The following FBXL7 variants were observed in gnomAD, a reference collection of about 807,000 sequenced individuals.
FBXL7 encodes the protein F-box/LRR-repeat protein 7.
In FBXL7, 12 loss-of-function variants were observed where a neutral mutation model predicts 38.3. That is an observed-to-expected ratio of 0.31 (90% CI 0.20 to 0.51). FBXL7 has a LOEUF of 0.51. FBXL7 is among the 20% of genes least tolerant of loss of function. The pLI is 0.98. For missense variants in FBXL7, 567 were observed against 676.4 expected (o/e 0.84, Z 1.79); for synonymous variants, 297 against 300.9 (o/e 0.99, Z 0.13).
chr5:15,566,034 T>G (rs967544683), intron 1 of FBXL7, among the ~76,000 whole-genome samples: 1 of 152,272 alleles, frequency 6.6e-6, no homozygotes, highest in African/African-American at 2.4e-5. Context: ...AACTTTCCTT[T>G]TTTTTTAAGG....
At chr5:15,636,106 T>A (rs1261606989) in intron 2 of FBXL7, among the ~76,000 whole-genome samples, 1 of 152,074 alleles carries the variant, frequency 6.6e-6, no homozygotes, top group African/African-American at 2.4e-5. Context: ...TATCTGTTTT[T>A]TTTTTTTTAA....
chr5:15,552,330 G>A (rs1254536787), intron 1 of FBXL7, among the ~76,000 whole-genome samples: 1 of 152,132 alleles, frequency 6.6e-6, no homozygotes, highest in African/African-American at 2.4e-5. Flanking sequence ...ACTCCTCTGT[G>A]CCAGTCACTG....
At position 15,832,507 on chromosome 5, in the gene FBXL7, A is replaced by G. The variant is rs183270506; in HGVS notation, c.128-95383A>G. On this transcript the variant is annotated intron_variant, in intron 2 of 3. Transcript: ENST00000504595. ...ATGTGACTAAAAACATCTTGATTTCATCTCAGGTTCAACTGAACCTTCTTA... is the reference window on the plus strand; with the variant it reads ...ATGTGACTAAAAACATCTTGATTTCGTCTCAGGTTCAACTGAACCTTCTTA... Among the ~76,000 whole-genome samples, 67 of 152,324 alleles carry G rather than the reference A, an allele frequency of 4.4e-4. 1 individual carries two copies. The highest frequency in any genetic ancestry group is 1.5e-3 in the South Asian group (7 of 4,824).
Position 15,825,284 on chromosome 5 carries a change from G to A in FBXL7, c.128-102606G>A, listed in dbSNP as rs1002534298. 2.0e-5 allele frequency among the ~76,000 whole-genome samples: 3 copies of A among 151,844 alleles called. No homozygotes were observed. The South Asian group carries it at 6.2e-4, about 31-fold the overall frequency. On this transcript the variant is annotated intron_variant, in intron 2 of 3. Coordinates refer to ENST00000504595, the MANE Select transcript of FBXL7 (RefSeq NM_012304.5). The stretch of plus-strand genomic sequence containing the variant: ...GTTGTAGTCACTCTTATTCCTATAT[G>A]ATTACTAAAAACCAAAGAAAGTTTG...
At chr5:15,863,658 G>A (rs190258290) in intron 2 of FBXL7, among the ~76,000 whole-genome samples, 10 of 152,208 alleles carry the variant, frequency 6.6e-5, no homozygotes, top group Non-Finnish European at 1.2e-4. Context: ...GGGAGGTGGG[G>A]CCTAGTGGGA....
rs192938420 is a variant in FBXL7 at position 15,533,653 on chromosome 5, C to T, written c.37+32940C>T. Among the ~76,000 whole-genome samples, 126 of 152,210 alleles carry T rather than the reference C, an allele frequency of 8.3e-4. 1 individual carries two copies. The highest frequency in any genetic ancestry group is 2.9e-3 in the African/African-American group (119 of 41,520). Reference sequence around the variant, plus strand: ...AAACAATGAGGGATCCCAGTTCCTGCGGGCTCTGCTTTTCCTCCCTGTGCC... The same window carrying T: ...AAACAATGAGGGATCCCAGTTCCTGTGGGCTCTGCTTTTCCTCCCTGTGCC... On this transcript the variant is annotated intron_variant, in intron 1 of 3. Coordinates refer to ENST00000504595, the MANE Select transcript of FBXL7 (RefSeq NM_012304.5).
At chr5:15,714,866 A>AG (rs1334297587) in intron 2 of FBXL7, among the ~76,000 whole-genome samples, 2 of 151,334 alleles carry the variant, frequency 1.3e-5, no homozygotes, top group Non-Finnish European at 3.0e-5. Flanking sequence ...AAAAAAAAAA[A>AG]AAAGAGGCAG....
intron 2 of FBXL7, among the ~76,000 whole-genome samples, chr5:15,693,283 G>A (rs1743235712): frequency 6.6e-6 from 1 of 152,136 alleles, no homozygotes; most frequent in African/African-American, 2.4e-5. Context: ...CACCAGATGC[G>A]AGACTTACAG....
intron 2 of FBXL7, among the ~76,000 whole-genome samples, chr5:15,920,225 C>G (rs562275855): frequency 6.6e-6 from 1 of 152,068 alleles, no homozygotes; most frequent in Non-Finnish European, 1.5e-5. Context: ...CCACTGCACT[C>G]CAGCCTGGAT....
At chr5:15,922,278 A>C (rs12188594) in intron 2 of FBXL7, among the ~76,000 whole-genome samples, 1 of 151,926 alleles carries the variant, frequency 6.6e-6, no homozygotes, top group South Asian at 2.1e-4. Flanking sequence ...CCTGCTCTAC[A>C]TATGTTCTGG....
chr5:15,545,616 T>C (rs1475521089), intron 1 of FBXL7, among the ~76,000 whole-genome samples: 1 of 152,212 alleles, frequency 6.6e-6, no homozygotes, highest in Non-Finnish European at 1.5e-5. Flanking sequence ...TGATTTGTCA[T>C]CAAAAAATTA....
chr5:15,558,307 A>ATT (rs973251596), intron 1 of FBXL7, among the ~76,000 whole-genome samples: 13 of 152,134 alleles, frequency 8.5e-5, no homozygotes, highest in African/African-American at 2.7e-4. Flanking sequence ...GATTAGGTTG[A>ATT]TTTTTCCTTT....
rs371291016 is a variant in FBXL7 at position 15,912,414 on chromosome 5, G to A, written c.128-15476G>A. 3.1e-3 allele frequency among the ~76,000 whole-genome samples: 450 copies of A among 142,954 alleles called. 7 individuals are homozygous for A. The highest frequency in any genetic ancestry group is 0.011 in the African/African-American group (420 of 37,064). The allele number at this position is 142,954 out of a possible 152,430, so 93.8% of individuals were successfully genotyped here. ...ACGGTGCGCACACACACTGGCCTGC[G>A]CCCACTGTCTGGCACTCCCTAGTGA... On this transcript the variant is annotated intron_variant, in intron 2 of 3. Coordinates refer to ENST00000504595, the MANE Select transcript of FBXL7 (RefSeq NM_012304.5).
intron 2 of FBXL7, among the ~76,000 whole-genome samples, chr5:15,791,233 G>A (rs1380750942): frequency 6.6e-6 from 1 of 152,180 alleles, no homozygotes; most frequent in African/African-American, 2.4e-5. Context: ...TACATGGTAG[G>A]TAAACTTAGT....
intron 2 of FBXL7, among the ~76,000 whole-genome samples, chr5:15,739,903 T>C (rs1008068240): frequency 7.2e-5 from 11 of 152,202 alleles, no homozygotes; most frequent in African/African-American, 2.7e-4. Context: ...AGGAGTGGAA[T>C]ATACCTAGGA....
intron 2 of FBXL7, among the ~76,000 whole-genome samples, chr5:15,624,014 A>G (rs187634375): frequency 1.8e-4 from 28 of 152,326 alleles, no homozygotes; most frequent in Admixed American, 1.4e-3. Context: ...ACTGAATTTC[A>G]TGCTAATCAT....
chr5:15,628,447 A>G (rs1740888643), intron 2 of FBXL7, among the ~76,000 whole-genome samples: 1 of 152,190 alleles, frequency 6.6e-6, no homozygotes, highest in Non-Finnish European at 1.5e-5. Flanking sequence ...TGTGTCCCTG[A>G]AATCTTTAGT....
intron 1 of FBXL7, among the ~76,000 whole-genome samples, chr5:15,525,573 C>A (rs551246409): frequency 1.3e-5 from 2 of 151,942 alleles, no homozygotes; most frequent in Admixed American, 6.5e-5. Context: ...CAGGATAGGG[C>A]TTTTTCCTCC....
At chr5:15,595,334 G>A (rs1403160563) in intron 1 of FBXL7, among the ~76,000 whole-genome samples, 3 of 152,114 alleles carry the variant, frequency 2.0e-5, no homozygotes, top group Admixed American at 6.6e-5. Context: ...GATGTAATTC[G>A]AAGCTTGGAA....
Sources: allele counts gnomAD v4.1 joint callset (sites outside exome capture counted in the v4.1 genomes callset), GRCh38; gene constraint gnomAD v4.1.1; transcripts MANE v1.5; gene names NCBI Gene and HGNC (gene_info 2026-07-23, HGNC 2026-07-21).